Variants in SEC24D observed in about 807,000 individuals in gnomAD.
The protein encoded by SEC24D is protein transport protein Sec24D.
A neutral mutation model predicts 116.9 loss-of-function variants in SEC24D; 69 were observed. The ratio of observed to expected loss-of-function variants is 0.59; its 90% CI spans 0.49 to 0.72. SEC24D has a LOEUF of 0.72. SEC24D is among the 30% of genes least tolerant of loss of function. The pLI is 0.00. For synonymous variants in SEC24D, 405 were observed against 442.8 expected (o/e 0.91, Z 1.07); for missense variants, 1,131 against 1,264.1 (o/e 0.89, Z 1.60).
chr4:118,736,939 T>C (rs1305266386), intron 19 of SEC24D, among the ~76,000 whole-genome samples: 2 of 152,196 alleles, frequency 1.3e-5, no homozygotes, highest in Non-Finnish European at 2.9e-5. Flanking sequence ...TTTTCTTCCA[T>C]AAATAGGCAA....
At chr4:118,730,358 A>G (rs1725622190) in intron 21 of SEC24D, 1 of 152,228 alleles carries the variant, frequency 6.6e-6, no homozygotes, top group African/African-American at 2.4e-5. Context: ...GAATTCTCTT[A>G]AAAATACACT....
chr4:118,772,980 A>T (rs1036877197), intron 8 of SEC24D, among the ~76,000 whole-genome samples: 2 of 152,098 alleles, frequency 1.3e-5, no homozygotes, highest in Non-Finnish European at 2.9e-5. Context: ...TCATTGGTCC[A>T]CTACCCACTC....
rs1463127443 is a variant in SEC24D at position 118,815,590 on chromosome 4, G to A, written c.534C>T (p.Leu178=). The A allele has an allele frequency of 1.9e-6, 3 of 1,614,192 alleles. No homozygotes were observed. The highest frequency in any genetic ancestry group is 1.7e-5 in the Admixed American group (1 of 60,034). The change falls in exon 5 of 23, where the codon CTC becomes CTT. Residue 178 remains leucine (L), a synonymous_variant. Coordinates refer to ENST00000280551, the MANE Select transcript of SEC24D (RefSeq NM_014822.4). ...GCAAAGGTGAGGCACCAGGACCATT[G>A]AGTGTGGTGGGTGGTGGTGGAAGAA... is the stretch of plus-strand genomic sequence containing the variant. ...SQVLPPPPTT[L]NGPGASPLPL...
intron 10 of SEC24D, among the ~76,000 whole-genome samples, chr4:118,761,242 C>A (rs1021707389): frequency 5.3e-5 from 8 of 152,104 alleles, no homozygotes; most frequent in Admixed American, 1.3e-4. Flanking sequence ...AGCATGGCAC[C>A]ACAAACAGTG....
At chr4:118,755,383 A>G (rs1183388753) in intron 11 of SEC24D, among the ~76,000 whole-genome samples, 2 of 151,678 alleles carry the variant, frequency 1.3e-5, no homozygotes, top group South Asian at 2.1e-4. Flanking sequence ...TACTGAAGAC[A>G]TTGGTAACTA....
In SEC24D at chr4:118,789,517, C is replaced by T. The variant is rs116083470; in HGVS notation, c.1041+8166G>A. Among the ~76,000 whole-genome samples the T allele has an allele frequency of 9.6e-3, 1,462 of 152,304 alleles. 24 individuals are homozygous for T. Among genetic ancestry groups the T allele is most frequent in the African/African-American group, 0.033 (1,355 of 41,556 alleles). The stretch of plus-strand genomic sequence containing the variant: ...CCCCACAATGGTACCCTCTTTAGAT[C>T]TGCTGAATCTATCAAAATATAAACA... On this transcript the variant is annotated intron_variant, in intron 8 of 22. Transcript: ENST00000280551.
In SEC24D at chr4:118,769,149, C is replaced by A. The variant is rs77986092; in HGVS notation, c.1042-838G>T. 7.5e-3 allele frequency among the ~76,000 whole-genome samples: 1,136 copies of A among 152,230 alleles called. 10 individuals are homozygous for A. Among genetic ancestry groups the A allele is most frequent in the African/African-American group, 0.026 (1,088 of 41,554 alleles). ...ATAATGTTCATTTATTTAGGCAAGG[C>A]GGTCGATTCTACCTTTTCTGTTAGT... On this transcript the variant is annotated intron_variant, in intron 8 of 22. Transcript: ENST00000280551.
At chr4:118,787,146 A>G (rs1483387197) in intron 8 of SEC24D, among the ~76,000 whole-genome samples, 1 of 152,234 alleles carries the variant, frequency 6.6e-6, no homozygotes, top group Non-Finnish European at 1.5e-5. Flanking sequence ...TCATAGCACT[A>G]TATAAACAGT....
chr4:118,825,506 TAA>T (rs574438680), intron 2 of SEC24D: 1 of 449,210 alleles, frequency 2.2e-6, no homozygotes, highest in South Asian at 1.6e-5. Flanking sequence ...GAAATTGCAG[TAA>T]AGGAGAGAAA....
chr4:118,806,317 C>T (rs1464955380), intron 6 of SEC24D, among the ~76,000 whole-genome samples: 5 of 151,900 alleles, frequency 3.3e-5, no homozygotes, highest in Admixed American at 6.6e-5. Context: ...TAAGCATTTT[C>T]TTTCTTTTTT....
chr4:118,744,875 G>T, intron 14 of SEC24D, 69 bp downstream of exon 14: 1 of 830,484 alleles, frequency 1.2e-6, no homozygotes, highest in Non-Finnish European at 2.0e-6. Context: ...TTTCTTACAT[G>T]AAGAACACAC....
chr4:118,784,739 G>GC (rs35053926), intron 8 of SEC24D, among the ~76,000 whole-genome samples: 6,693 of 132,138 alleles, frequency 0.051, 274 homozygotes, highest in African/African-American at 0.086. Flanking sequence ...ATCCTTCCCT[G>GC]CCCCCCCCCC....
rs1008990565 is a variant in SEC24D, at chr4:118,744,144, G to C, written c.1839C>G (p.Pro613=). ...CCAATGAGTCATAGACATTTGTTTG[G>C]GGCTGGAAAAGTATCTGGAAAAAAG... ...NTDKEKILFQ[P]QTNVYDSLAK... is the part of the protein sequence containing the mutation. The change falls in exon 15 of 23, where the codon CCC becomes CCG. Residue 613 remains proline, a synonymous_variant. Transcript: ENST00000280551. 1.3e-6 allele frequency: 2 copies of C among 1,561,082 alleles called. No homozygotes were observed. The highest frequency in any genetic ancestry group is 2.0e-5 in the Admixed American group (1 of 49,338).
chr4:118,745,529 C>T (rs901981680), intron 13 of SEC24D, among the ~76,000 whole-genome samples: 1 of 152,020 alleles, frequency 6.6e-6, no homozygotes, highest in African/African-American at 2.4e-5. Context: ...AGGAAGAATG[C>T]ATAAGAACGT....
chr4:118,789,874 G>A (rs753798479), intron 8 of SEC24D, among the ~76,000 whole-genome samples: 2 of 152,114 alleles, frequency 1.3e-5, no homozygotes, highest in Non-Finnish European at 2.9e-5. Flanking sequence ...ATGAGCCACC[G>A]CGCCCTGCCT....
At chr4:118,811,824 C>T (rs1729932328) in intron 6 of SEC24D, among the ~76,000 whole-genome samples, 1 of 152,188 alleles carries the variant, frequency 6.6e-6, no homozygotes, top group Non-Finnish European at 1.5e-5. Flanking sequence ...TAACATCTTA[C>T]AGCAGTATAC....
Position 118,833,576 on chromosome 4 carries a change from T to C in SEC24D, c.118+3A>G, listed in dbSNP as rs765772146. On this transcript the variant is annotated splice_donor_region_variant and intron_variant, in intron 2 of 22. Coordinates refer to ENST00000280551, the MANE Select transcript of SEC24D (RefSeq NM_014822.4). The stretch of plus-strand genomic sequence containing the variant: ...ACATACAAGTCAAAATAACACACTG[T>C]ACCTGTTGGAGATGCTGTGTGCGAC... The C allele has an allele frequency of 1.9e-6, 3 of 1,583,472 alleles. No homozygotes were observed. The highest frequency in any genetic ancestry group is 2.2e-5 in the East Asian group (1 of 44,706).
intron 8 of SEC24D, among the ~76,000 whole-genome samples, chr4:118,786,432 T>C (rs1487964755): frequency 1.3e-5 from 2 of 152,216 alleles, no homozygotes; most frequent in Non-Finnish European, 2.9e-5. Context: ...TTGTACTTGA[T>C]TAGCAAAGAC....
intron 13 of SEC24D, among the ~76,000 whole-genome samples, chr4:118,748,800 G>C (rs1726673034): frequency 6.6e-6 from 1 of 152,010 alleles, no homozygotes; most frequent in South Asian, 2.1e-4. Context: ...TCCCTGAAAA[G>C]GAAGGACCTT....
Sources: gnomAD v4.1 joint callset for allele counts (sites outside exome capture counted in the v4.1 genomes callset) on GRCh38, gnomAD v4.1.1 for gene constraint, MANE v1.5 for transcripts, NCBI Gene and HGNC (gene_info 2026-07-23, HGNC 2026-07-21) for gene names.